Variants in COL6A2 observed in about 807,000 individuals in gnomAD.
COL6A2 encodes collagen alpha-2(VI) chain.
In COL6A2, 90 loss-of-function variants were observed where a neutral mutation model predicts 124.9. The observed-to-expected ratio is 0.72, with a 90% CI of 0.61 to 0.86. The LOEUF (loss-of-function observed/expected upper bound fraction) is 0.86, where lower values mean the gene tolerates loss of function less well. COL6A2 is among the 40% of genes least tolerant of loss of function. The pLI, the probability that COL6A2 is intolerant of heterozygous loss-of-function variation, is 0.00. For synonymous variants in COL6A2, 793 were observed against 618.2 expected (o/e 1.28, Z -4.19); for missense variants, 1,607 against 1,502.5 (o/e 1.07, Z -1.15).
chr21:46,116,032 C>T lies in COL6A2; in HGVS notation c.879C>T (p.Pro293=), dbSNP rs138389174. 5.6e-6 allele frequency: 9 copies of T among 1,599,966 alleles called. No individual in the cohort carries two copies. In the African/African-American group the frequency reaches 1.1e-4, roughly 19 times the overall value. ...AGGGAGACCCGGGCATCGAAGGCCC[C>T]ATTGGATTCCCAGGACCCAAGGTGA... ...GRQGDPGIEG[P]IGFPGPKGVP... is the part of the protein sequence containing the mutation. Residue 293 remains proline (P), a synonymous_variant, in exon 7 of 28, where the codon CCC becomes CCT. Coordinates refer to ENST00000300527, the MANE Select transcript of COL6A2 (RefSeq NM_001849.4). The surrounding 1 kb of genome is among the most constrained non-coding windows in gnomAD (Gnocchi z 4.6).
intron 13 of COL6A2, 149 bp downstream of exon 13, chr21:46,118,825 C>A: frequency 9.0e-7 from 1 of 1,105,678 alleles, no homozygotes; most frequent in Non-Finnish European, 1.3e-6. Context: ...AAGAACAGGC[C>A]ATGTGCCCTG....
chr21:46,132,583 C>G lies in COL6A2; in HGVS notation c.*31C>G. 1 of 1,557,990 alleles carries G rather than the reference C, an allele frequency of 6.4e-7. No homozygotes were observed. The highest frequency in any genetic ancestry group is 8.7e-7 in the Non-Finnish European group (1 of 1,155,764). On this transcript the variant is annotated 3_prime_UTR_variant, in exon 28 of 28. Coordinates refer to ENST00000300527, the MANE Select transcript of COL6A2 (RefSeq NM_001849.4). ...CCGCCCGGGCCCCGCAGTCGAGGGT[C>G]GTGAGCCCACCCCGTCCATGGTGCT...
At position 46,132,155 on chromosome 21, in the gene COL6A2, A is replaced by C. The variant is rs750318665; in HGVS notation, c.2663A>C (p.Gln888Pro). 1 of 1,570,296 alleles carries C rather than the reference A, an allele frequency of 6.4e-7. No homozygotes were observed. The highest frequency in any genetic ancestry group is 2.4e-5 in the East Asian group (1 of 41,818). Residue 888 changes from glutamine (Q) to proline (P), a missense_variant, in exon 28 of 28, where the codon CAG (glutamine) becomes CCG (proline). By Grantham distance (76) the Gln-to-Pro change is moderately conservative. Around this residue, in one of 3 missense-constraint regions of COL6A2, gnomAD observed 1,223 missense variants for 1,052.2 expected, o/e 1.16. Coordinates refer to ENST00000300527, the MANE Select transcript of COL6A2 (RefSeq NM_001849.4). ...CTGCAGTTTGGTGGCCCCGGCGAGCAGCAGGTGGCCTTCCCGCTGAGCCAC... is the reference window on the plus strand; with the variant it reads ...CTGCAGTTTGGTGGCCCCGGCGAGCCGCAGGTGGCCTTCCCGCTGAGCCAC... ...ALLQFGGPGE[Q>P]QVAFPLSHNL...
intron 5 of COL6A2, among the ~76,000 whole-genome samples, chr21:46,114,888 G>A (rs991281775): frequency 6.6e-6 from 1 of 152,238 alleles, no homozygotes; most frequent in African/African-American, 2.4e-5. Flanking sequence ...AGCTTCTAAG[G>A]AGATGAAATA....
At position 46,132,074 on chromosome 21, in the gene COL6A2, G is replaced by GC; in HGVS notation, c.2582_2583insC (p.Arg862AlafsTer131). On this transcript the variant is annotated frameshift_variant, in exon 28 of 28. Transcript: ENST00000300527. LOFTEE classifies it high-confidence loss of function. ...CGGCGCTTCGTGGAGCAGGTGGCGC[G>GC]GCGGCTGACGCTGGCCCGGAGGGAC... The GC allele has an allele frequency of 6.2e-7, 1 of 1,603,266 alleles. No homozygotes were observed. Among genetic ancestry groups the GC allele is most frequent in the East Asian group, 2.3e-5 (1 of 44,404 alleles).
In COL6A2 at chr21:46,124,725, G is replaced by A. The variant is rs374469870; in HGVS notation, c.1734+12G>A. The A allele has an allele frequency of 5.6e-6, 9 of 1,612,278 alleles. No individual in the cohort carries two copies. The highest frequency in any genetic ancestry group is 2.2e-5 in the East Asian group (1 of 44,882). On this transcript the variant is annotated intron_variant, in intron 22 of 27. Coordinates refer to ENST00000300527, the MANE Select transcript of COL6A2 (RefSeq NM_001849.4). ...TCCCAGGACCCGAGGTAGGTTGGTG[G>A]CCAGTCCCCATGCCCTCCCCCCAAC...
At position 46,124,700 on chromosome 21, in the gene COL6A2, T is replaced by G. The variant is rs1215831019; in HGVS notation, c.1721T>G (p.Val574Gly). 5.6e-6 allele frequency: 9 copies of G among 1,611,950 alleles called. No homozygotes were observed. The highest frequency in any genetic ancestry group is 7.6e-6 in the Non-Finnish European group (9 of 1,179,688). ...CCAGGCCCTCGGGGGCCAAGAGGAG[T>G]CCCAGGACCCGAGGTAGGTTGGTGG... ...GEPGPRGPRG[V>G]PGPEGEPGPP... Residue 574 changes from valine (V) to glycine (G), a missense_variant, in exon 22 of 28, where the codon GTC becomes GGC. Transcript: ENST00000300527.
chr21:46,127,890 G>A (rs1340202995), intron 27 of COL6A2, among the ~76,000 whole-genome samples: 11 of 152,174 alleles, frequency 7.2e-5, no homozygotes, highest in South Asian at 2.1e-4. Flanking sequence ...CCCGTTGAGC[G>A]TCATTGAATT....
rs565098928 is a variant in COL6A2, at chr21:46,115,953, C to T, written c.855+28C>T. On this transcript the variant is annotated intron_variant, in intron 6 of 27. Coordinates refer to ENST00000300527, the MANE Select transcript of COL6A2 (RefSeq NM_001849.4). ...GAGTGTCCTTGCCCCACGCCCGCCCCGCCTGCAGCCCAGCGCCCCAGGGCT... is the reference window on the plus strand; with the variant it reads ...GAGTGTCCTTGCCCCACGCCCGCCCTGCCTGCAGCCCAGCGCCCCAGGGCT... 59 of 1,612,640 alleles carry T rather than the reference C, an allele frequency of 3.7e-5. No individual in the cohort carries two copies. The South Asian group carries it at 3.7e-4, about 10-fold the overall frequency.
rs940599861 is a variant in COL6A2 at position 46,117,585 on chromosome 21, C to T, written c.1053+132C>T. 8 of 948,858 alleles carry T rather than the reference C, an allele frequency of 8.4e-6. No homozygotes were observed. In the African/African-American group the frequency reaches 1.3e-4, roughly 15 times the overall value. The allele number at this position is 948,858 out of a possible 1,614,324, so 58.8% of individuals were successfully genotyped here. On this transcript the variant is annotated intron_variant, in intron 11 of 27. Coordinates refer to ENST00000300527, the MANE Select transcript of COL6A2 (RefSeq NM_001849.4). ...AGCCCAGCAGCCCCAGCCCAGCAGCCCCAGCCCAGCATTCTGCCGGGTCGG... is the reference window on the plus strand; with the variant it reads ...AGCCCAGCAGCCCCAGCCCAGCAGCTCCAGCCCAGCATTCTGCCGGGTCGG...
chr21:46,125,881 A>AG lies in COL6A2; in HGVS notation c.2068dup (p.Ala690GlyfsTer52). The AG allele has an allele frequency of 6.2e-7, 1 of 1,613,092 alleles. No homozygotes were observed. The highest frequency in any genetic ancestry group is 8.5e-7 in the Non-Finnish European group (1 of 1,179,962). ...ATCGACTCCCTGTCGAGCTTCAAGGAGGCTGTCAAGAACCTCGAGTGGATT... is the reference window on the plus strand; with the variant it reads ...ATCGACTCCCTGTCGAGCTTCAAGGAGGGCTGTCAAGAACCTCGAGTGGATT... On this transcript the variant is annotated frameshift_variant, in exon 26 of 28. Coordinates refer to ENST00000300527, the MANE Select transcript of COL6A2 (RefSeq NM_001849.4). LOFTEE classifies it high-confidence loss of function.
intron 1 of COL6A2, among the ~76,000 whole-genome samples, chr21:46,100,061 A>G (rs1455257335): frequency 6.6e-6 from 1 of 151,492 alleles, no homozygotes; most frequent in African/African-American, 2.4e-5. Context: ...CCATGTTCCT[A>G]ATGGATGTTC....
intron 23 of COL6A2, among the ~76,000 whole-genome samples, 173 bp downstream of exon 23, chr21:46,125,093 G>C (rs1436167484): frequency 6.6e-6 from 1 of 152,138 alleles, no homozygotes. Flanking sequence ...GGGCAAGGTT[G>C]GTGGGGGGAG....
chr21:46,126,811 A>G (rs1031536335), intron 27 of COL6A2, among the ~76,000 whole-genome samples: 4 of 152,166 alleles, frequency 2.6e-5, no homozygotes, highest in Admixed American at 1.3e-4. Flanking sequence ...GCATGTGGCC[A>G]CTGGTCTTGA....
rs1226187827 is a variant in COL6A2, at chr21:46,126,252, G to A, written c.2422+15G>A. ...CCTCTGCCCGGGTGAGCGTGTGGGC[G>A]CGGGGCAGTCGGCCGAGGAGCAGCA... is the stretch of plus-strand genomic sequence containing the variant. On this transcript the variant is annotated intron_variant, in intron 26 of 27. Transcript: ENST00000300527. 8.1e-6 allele frequency: 13 copies of A among 1,597,466 alleles called. No individual in the cohort carries two copies. The highest frequency in any genetic ancestry group is 6.7e-5 in the East Asian group (3 of 44,802).
In COL6A2 at chr21:46,116,887, C is replaced by A. The variant is rs1014869996; in HGVS notation, c.999+73C>A. 3.4e-6 allele frequency: 5 copies of A among 1,475,522 alleles called. No homozygotes were observed. Among genetic ancestry groups the A allele is most frequent in the Non-Finnish European group, 4.7e-6 (5 of 1,057,358 alleles). The allele number at this position is 1,475,522 out of a possible 1,614,324, so 91.4% of individuals were successfully genotyped here. A position where few individuals can be genotyped will look rare whatever the true frequency, so the allele number is the denominator to read the frequency against. The stretch of plus-strand genomic sequence containing the variant: ...CCCAGCCTCTGCAGGGCCCCCAGAT[C>A]CAGCCTGATCTGTCAGCTTACACAT... On this transcript the variant is annotated intron_variant, in intron 10 of 27. Coordinates refer to ENST00000300527, the MANE Select transcript of COL6A2 (RefSeq NM_001849.4). This position sits in a 1 kb window ranked among gnomAD's most constrained non-coding sequence, Gnocchi z 4.6.
intron 12 of COL6A2, 124 bp downstream of exon 12, chr21:46,118,060 C>A: frequency 1.1e-6 from 1 of 908,856 alleles, no homozygotes; most frequent in Non-Finnish European, 1.7e-6. Flanking sequence ...CAGTGAGGAG[C>A]CAATGGCCGT....
Position 46,125,325 on chromosome 21 carries a change from C to T in COL6A2, c.1816+14C>T. On this transcript the variant is annotated intron_variant, in intron 24 of 27. Transcript: ENST00000300527. Reference sequence around the variant, plus strand: ...GCGGGTGCTGCGGTGAGGCACTGCCCACGGCAGGGTCGGGGCCCATGCACC... The same window carrying T: ...GCGGGTGCTGCGGTGAGGCACTGCCTACGGCAGGGTCGGGGCCCATGCACC... The T allele has an allele frequency of 6.2e-7, 1 of 1,608,746 alleles. No homozygotes were observed. Among genetic ancestry groups the T allele is most frequent in the Non-Finnish European group, 8.5e-7 (1 of 1,177,446 alleles).
intron 27 of COL6A2, 111 bp downstream of exon 27, chr21:46,126,652 C>T (rs1056215785): frequency 1.7e-5 from 23 of 1,314,634 alleles, no homozygotes; most frequent in Middle Eastern, 2.0e-4. Flanking sequence ...CGGGGGGCGG[C>T]GGAGCCACTG....
Sources: allele counts gnomAD v4.1 joint callset (sites outside exome capture counted in the v4.1 genomes callset), GRCh38; gene constraint gnomAD v4.1.1; regional missense constraint gnomAD v4.1.1; non-coding constraint Gnocchi (gnomAD v3.1); transcripts MANE v1.5; gene names NCBI Gene and HGNC (gene_info 2026-07-23, HGNC 2026-07-21).